The following MARCHF1 variants were observed in gnomAD, a reference collection of about 807,000 sequenced individuals.
The protein encoded by MARCHF1 is membrane associated ring-CH-type finger 1, also known as E3 ubiquitin-protein ligase MARCHF1.
Under a neutral mutation model 54.2 loss-of-function variants are expected in MARCHF1, and 40 were observed. That is an observed-to-expected ratio of 0.74 (90% CI 0.57 to 0.96). MARCHF1 has a LOEUF of 0.96. Ranked by LOEUF, MARCHF1 falls within the 40% of genes least tolerant of loss-of-function variation. The pLI, the probability that MARCHF1 is intolerant of heterozygous loss-of-function variation, is 0.00. For synonymous variants in MARCHF1, 236 were observed against 236.3 expected (o/e 1.00, Z 0.01); for missense variants, 586 against 656.5 (o/e 0.89, Z 1.17).
intron 2 of MARCHF1, among the ~76,000 whole-genome samples, chr4:164,022,136 C>T (rs1753679881): frequency 6.6e-6 from 1 of 152,036 alleles, no homozygotes; most frequent in African/African-American, 2.4e-5. Flanking sequence ...AGTTAAACCC[C>T]ATTGATTGTG....
chr4:163,565,111 A>C (rs894272763), intron 8 of MARCHF1, among the ~76,000 whole-genome samples: 2 of 152,194 alleles, frequency 1.3e-5, no homozygotes, highest in African/African-American at 4.8e-5. Flanking sequence ...TTACATAGAA[A>C]TTTGTCAAAC....
intron 1 of MARCHF1, among the ~76,000 whole-genome samples, chr4:164,136,736 A>G (rs1334714663): frequency 2.0e-5 from 3 of 152,106 alleles, no homozygotes; most frequent in African/African-American, 7.2e-5. Flanking sequence ...CCATGAACAC[A>G]CCTGGAATGT....
At chr4:163,745,111 C>G (rs1193864612) in intron 4 of MARCHF1, among the ~76,000 whole-genome samples, 1 of 149,562 alleles carries the variant, frequency 6.7e-6, no homozygotes, top group Non-Finnish European at 1.5e-5. Flanking sequence ...CTTTTTCTTT[C>G]TTTCTTTTTT....
intron 1 of MARCHF1, among the ~76,000 whole-genome samples, chr4:164,159,937 T>C (rs1407545914): frequency 1.3e-5 from 2 of 152,164 alleles, no homozygotes; most frequent in Non-Finnish European, 2.9e-5. Flanking sequence ...TTCAGTGTTC[T>C]GACCTATAAA....
intron 4 of MARCHF1, among the ~76,000 whole-genome samples, chr4:163,801,771 C>T (rs1748088256): frequency 6.6e-6 from 1 of 151,994 alleles, no homozygotes; most frequent in South Asian, 2.1e-4. Flanking sequence ...AATAGAATAA[C>T]AATAAACACA....
At chr4:163,977,831 T>C (rs1378649237) in intron 3 of MARCHF1, among the ~76,000 whole-genome samples, 1 of 152,222 alleles carries the variant, frequency 6.6e-6, no homozygotes, top group Non-Finnish European at 1.5e-5. Flanking sequence ...ATATAAACTT[T>C]CAACGAACTT....
At chr4:164,049,267 C>A (rs79309778) in intron 2 of MARCHF1, among the ~76,000 whole-genome samples, 2 of 151,988 alleles carry the variant, frequency 1.3e-5, no homozygotes, top group Admixed American at 6.6e-5. Flanking sequence ...GGATAACTCC[C>A]TCACTATCAT....
intron 1 of MARCHF1, among the ~76,000 whole-genome samples, chr4:164,377,018 C>T (rs1263865923): frequency 6.6e-6 from 1 of 152,162 alleles, no homozygotes; most frequent in Non-Finnish European, 1.5e-5. Flanking sequence ...TCCTGATGTG[C>T]CTCAGGACAC....
chr4:163,806,116 G>A (rs149498608), intron 4 of MARCHF1, among the ~76,000 whole-genome samples: 4 of 152,176 alleles, frequency 2.6e-5, no homozygotes, highest in African/African-American at 7.2e-5. Flanking sequence ...AAGCATCAAG[G>A]TGTAGGTTTA....
chr4:163,639,980 C>A (rs1446361461), intron 5 of MARCHF1, among the ~76,000 whole-genome samples: 1 of 152,110 alleles, frequency 6.6e-6, no homozygotes, highest in Non-Finnish European at 1.5e-5. Flanking sequence ...ATGCCCTCAT[C>A]TCACAGATCA....
chr4:164,352,678 C>T lies in MARCHF1; in HGVS notation c.-323+31192G>A, dbSNP rs1356478988. On this transcript the variant is annotated intron_variant, in intron 1 of 9. Transcript: ENST00000514618. ...AATCATGCCAAAATGTAAAGACCAT[C>T]GAGGCTAGGAAGAAACTGCATCAAC... Among the ~76,000 whole-genome samples the T allele has an allele frequency of 1.3e-3, 201 of 150,414 alleles. 1 individual carries two copies. The highest frequency in any genetic ancestry group is 4.6e-3 in the African/African-American group (191 of 41,200).
chr4:164,159,188 A>G (rs1348658854), intron 1 of MARCHF1, among the ~76,000 whole-genome samples: 1 of 152,198 alleles, frequency 6.6e-6, no homozygotes, highest in Non-Finnish European at 1.5e-5. Flanking sequence ...AATCTAACAA[A>G]TACTGCACAT....
intron 1 of MARCHF1, among the ~76,000 whole-genome samples, chr4:164,374,346 T>A (rs1731124006): frequency 6.6e-6 from 1 of 152,136 alleles, no homozygotes; most frequent in African/African-American, 2.4e-5. Context: ...TTACTAAAAG[T>A]ATTTGGGAAA....
At chr4:164,367,963 AG>A (rs1385169720) in intron 1 of MARCHF1, among the ~76,000 whole-genome samples, 1 of 151,908 alleles carries the variant, frequency 6.6e-6, no homozygotes, top group Non-Finnish European at 1.5e-5. Flanking sequence ...AGTAGTATAT[AG>A]TGTGAAAATA....
chr4:163,987,520 T>C (rs1275383976), intron 3 of MARCHF1, among the ~76,000 whole-genome samples: 5 of 152,242 alleles, frequency 3.3e-5, no homozygotes, highest in Admixed American at 6.5e-5. Flanking sequence ...TTTTATTTGC[T>C]TTATTTTTTG....
chr4:164,356,634 G>A (rs1181659436), intron 1 of MARCHF1, among the ~76,000 whole-genome samples: 1 of 142,886 alleles, frequency 7.0e-6, no homozygotes, highest in Non-Finnish European at 1.5e-5. Context: ...GAGTGGGGAG[G>A]GTTAGCATTG....
intron 9 of MARCHF1, among the ~76,000 whole-genome samples, chr4:163,541,135 G>A (rs1469986502): frequency 6.6e-6 from 1 of 152,228 alleles, no homozygotes; most frequent in Non-Finnish European, 1.5e-5. Context: ...CTCATCTGCT[G>A]GAGTCAGCCA....
chr4:164,185,227 G>C (rs1730935970), intron 1 of MARCHF1, among the ~76,000 whole-genome samples: 1 of 152,076 alleles, frequency 6.6e-6, no homozygotes, highest in Non-Finnish European at 1.5e-5. Context: ...GCTGTATGTT[G>C]CATTAGCATA....
At chr4:164,308,780 C>T (rs991602470) in intron 1 of MARCHF1, among the ~76,000 whole-genome samples, 5 of 151,610 alleles carry the variant, frequency 3.3e-5, no homozygotes, top group African/African-American at 7.3e-5. Context: ...AAGAGGGGAA[C>T]GACAGATACT....
Sources: allele counts gnomAD v4.1 joint callset (sites outside exome capture counted in the v4.1 genomes callset), GRCh38; gene constraint gnomAD v4.1.1; transcripts MANE v1.5; gene names NCBI Gene and HGNC (gene_info 2026-07-23, HGNC 2026-07-21).